ARNT: variants seen among roughly 807,000 people sequenced by gnomAD.
The protein encoded by ARNT is aryl hydrocarbon receptor nuclear translocator.
In ARNT, 30 loss-of-function variants were observed where a neutral mutation model predicts 105.0. That is an observed-to-expected ratio of 0.29 (90% CI 0.21 to 0.39). ARNT has a LOEUF of 0.39. ARNT is among the 10% of genes least tolerant of loss of function. The pLI, the probability that ARNT is intolerant of heterozygous loss-of-function variation, is 1.00. For missense variants in ARNT, 748 were observed against 978.7 expected, an observed-to-expected ratio of 0.76 and a Z score of 3.15; for synonymous variants, 304 against 344.0, an observed-to-expected ratio of 0.88 and a Z score of 1.29.
chr1:150,834,657 A>G lies in ARNT; in HGVS notation c.701-17T>C, dbSNP rs1179137758. 1 of 1,611,654 alleles carries G rather than the reference A, an allele frequency of 6.2e-7. No homozygotes were observed. The highest frequency in any genetic ancestry group is 2.2e-5 in the East Asian group (1 of 44,840). On this transcript the variant is annotated splice_polypyrimidine_tract_variant and intron_variant, in intron 7 of 21. Transcript: ENST00000358595. ...GGATACGCCCTGAAGGAAGATGTGAAGAGCAGTCTGGAGTGCATTTTTGTG... is the reference window on the plus strand; with the variant it reads ...GGATACGCCCTGAAGGAAGATGTGAGGAGCAGTCTGGAGTGCATTTTTGTG...
intron 14 of ARNT, among the ~76,000 whole-genome samples, chr1:150,819,765 A>G (rs913278444): frequency 3.3e-5 from 5 of 152,228 alleles, no homozygotes; most frequent in Non-Finnish European, 7.3e-5. Context: ...AGAATTTCAG[A>G]GCCGGGGGAA....
At chr1:150,871,907 CAAAAAAAAAAAAA>C (rs776523588) in intron 1 of ARNT, among the ~76,000 whole-genome samples, 25 of 40,088 alleles carry the variant, frequency 6.2e-4, no homozygotes, top group African/African-American at 2.8e-3. Context: ...GACCCTGTCT[CAAAAAAAAAAAAA>C]AAAAAAAAAA....
At chr1:150,846,957 T>C (rs1662329587) in intron 3 of ARNT, among the ~76,000 whole-genome samples, 2 of 152,244 alleles carry the variant, frequency 1.3e-5, no homozygotes, top group South Asian at 4.1e-4. Context: ...TCTTTCTTTT[T>C]AAGGCTGAAT....
intron 14 of ARNT, among the ~76,000 whole-genome samples, chr1:150,819,197 GACA>G (rs1159175206): frequency 6.6e-6 from 1 of 150,820 alleles, no homozygotes; most frequent in Admixed American, 6.7e-5. Context: ...GTGGTAACCT[GACA>G]ATTGATACCT....
chr1:150,869,533 G>A (rs1177127982), intron 1 of ARNT, among the ~76,000 whole-genome samples: 2 of 151,288 alleles, frequency 1.3e-5, no homozygotes, highest in African/African-American at 4.9e-5. Flanking sequence ...AAAGATTTTA[G>A]GAAACTACTC....
chr1:150,844,203 T>C (rs1661758892), intron 4 of ARNT, among the ~76,000 whole-genome samples: 1 of 152,230 alleles, frequency 6.6e-6, no homozygotes, highest in Non-Finnish European at 1.5e-5. Context: ...TTATTTCAAT[T>C]AGTTTCGATA....
chr1:150,856,070 T>C (rs973335379), intron 2 of ARNT, among the ~76,000 whole-genome samples: 1 of 152,222 alleles, frequency 6.6e-6, no homozygotes, highest in Non-Finnish European at 1.5e-5. Flanking sequence ...CTGAAGGACA[T>C]GCACTAAAAA....
chr1:150,861,289 A>G, intron 1 of ARNT: 1 of 428,988 alleles, frequency 2.3e-6, no homozygotes, highest in Non-Finnish European at 4.6e-6. Context: ...GAGAATCTTG[A>G]GTCCAAGATC....
At chr1:150,844,370 A>G (rs756563413) in intron 4 of ARNT, among the ~76,000 whole-genome samples, 8 of 152,272 alleles carry the variant, frequency 5.3e-5, no homozygotes, top group Middle Eastern at 3.4e-3. Flanking sequence ...AATCAATTCT[A>G]TAACTGCTAC....
chr1:150,825,480 T>C (rs192263685), intron 13 of ARNT, among the ~76,000 whole-genome samples: 2 of 152,278 alleles, frequency 1.3e-5, no homozygotes, highest in Non-Finnish European at 2.9e-5. Flanking sequence ...TCACCAGATA[T>C]TTTCAGGAGC....
At chr1:150,859,264 T>C (rs1020890382) in intron 1 of ARNT, among the ~76,000 whole-genome samples, 1 of 151,888 alleles carries the variant, frequency 6.6e-6, no homozygotes, top group Non-Finnish European at 1.5e-5. Flanking sequence ...ATTGTCTCCC[T>C]TTCCTGCCCC....
In ARNT at chr1:150,811,961, G is replaced by T; in HGVS notation, c.*60C>A. 1.6e-6 allele frequency: 2 copies of T among 1,285,936 alleles called. No homozygotes were observed. Among genetic ancestry groups the T allele is most frequent in the Non-Finnish European group, 1.0e-6 (1 of 957,752 alleles). The allele number at this position is 1,285,936 out of a possible 1,614,324, so 79.7% of individuals were successfully genotyped here. A position where few individuals can be genotyped will look rare whatever the true frequency, so the allele number is the denominator to read the frequency against. On this transcript the variant is annotated 3_prime_UTR_variant, in exon 22 of 22. Coordinates refer to ENST00000358595, the MANE Select transcript of ARNT (RefSeq NM_001668.4). ...TTTTATTCTGTTTACAGAAAGATTT[G>T]CTTTTTAAAAACAAACAGTGATTTT... is the stretch of plus-strand genomic sequence containing the variant.
chr1:150,868,871 C>T (rs1243277192), intron 1 of ARNT, among the ~76,000 whole-genome samples: 1 of 151,578 alleles, frequency 6.6e-6, no homozygotes, highest in Non-Finnish European at 1.5e-5. Context: ...GCACTCCAGC[C>T]TGGGTGACAA....
intron 1 of ARNT, among the ~76,000 whole-genome samples, chr1:150,868,543 G>A (rs1445617650): frequency 6.6e-6 from 1 of 152,180 alleles, no homozygotes; most frequent in African/African-American, 2.4e-5. Flanking sequence ...CATGATTCAT[G>A]CCTGTAATCT....
intron 6 of ARNT, among the ~76,000 whole-genome samples, chr1:150,838,160 C>G (rs977102295): frequency 6.6e-6 from 1 of 152,152 alleles, no homozygotes; most frequent in Non-Finnish European, 1.5e-5. Flanking sequence ...TCCCAGCCTA[C>G]CTTCCTATTA....
At chr1:150,851,884 AT>A (rs1373181604) in intron 3 of ARNT, among the ~76,000 whole-genome samples, 2 of 152,022 alleles carry the variant, frequency 1.3e-5, no homozygotes, top group East Asian at 3.9e-4. Flanking sequence ...AAATAAAAAA[AT>A]AAAAATACAA....
In ARNT at chr1:150,814,219, A is replaced by G; in HGVS notation, c.1971T>C (p.Thr657=). The change falls in exon 20 of 22, where the codon ACT becomes ACC. Residue 657 remains threonine, a synonymous_variant. Transcript: ENST00000358595. ...FSAQQVATQA[T]AKTRTSQFGV... Reference sequence around the variant, plus strand: ...CAAACTGGGAAGTACGAGTCTTAGCAGTAGCCTGGGTAGCCACCTGCTAAA... The same window carrying G: ...CAAACTGGGAAGTACGAGTCTTAGCGGTAGCCTGGGTAGCCACCTGCTAAA... 1 of 1,614,180 alleles carries G rather than the reference A, an allele frequency of 6.2e-7. No individual in the cohort carries two copies. Among genetic ancestry groups the G allele is most frequent in the Admixed American group, 1.7e-5 (1 of 60,010 alleles).
intron 20 of ARNT, among the ~76,000 whole-genome samples, chr1:150,813,661 T>C (rs1241029093): frequency 6.6e-6 from 1 of 152,150 alleles, no homozygotes; most frequent in Admixed American, 6.5e-5. Flanking sequence ...TTTATTTTTT[T>C]GAGACGGAGT....
chr1:150,849,588 C>T (rs937133845), intron 3 of ARNT, among the ~76,000 whole-genome samples: 4 of 152,142 alleles, frequency 2.6e-5, no homozygotes, highest in African/African-American at 2.4e-5. Flanking sequence ...GAGTTTAAGA[C>T]CAGCCTGGGC....
Sources: gnomAD v4.1 joint callset for allele counts (sites outside exome capture counted in the v4.1 genomes callset) on GRCh38, gnomAD v4.1.1 for gene constraint, MANE v1.5 for transcripts, NCBI Gene and HGNC (gene_info 2026-07-23, HGNC 2026-07-21) for gene names.